The following DNAJB6 variants were observed in gnomAD, a reference collection of about 807,000 sequenced individuals.
DNAJB6 encodes the protein DnaJ heat shock protein family (Hsp40) member B6.
In DNAJB6, 16 loss-of-function variants were observed where a neutral mutation model predicts 42.7. The observed-to-expected ratio is 0.37, with a 90% CI of 0.25 to 0.57. The LOEUF (loss-of-function observed/expected upper bound fraction) is 0.57, where lower values mean the gene tolerates loss of function less well. Among genes scored for constraint, DNAJB6 ranks in the 20% least tolerant of loss-of-function variants. The pLI, the probability that DNAJB6 is intolerant of heterozygous loss-of-function variation, is 0.74. For missense variants in DNAJB6, 347 were observed against 416.8 expected (o/e 0.83, Z 1.46); for synonymous variants, 170 against 163.5 (o/e 1.04, Z -0.30).
At chr7:157,394,241 A>G (rs59052789) in intron 8 of DNAJB6, among the ~76,000 whole-genome samples, 2,167 of 152,368 alleles carry the variant, frequency 0.014, 42 homozygotes, top group African/African-American at 0.05. Flanking sequence ...AAAATAACCC[A>G]TATGACATCT....
At chr7:157,374,532 T>G (rs1027426885) in intron 5 of DNAJB6, among the ~76,000 whole-genome samples, 1 of 152,172 alleles carries the variant, frequency 6.6e-6, no homozygotes. Flanking sequence ...GTGCTGGGAT[T>G]ACAGGCATGA....
In DNAJB6 at chr7:157,363,290, T is replaced by C; in HGVS notation, c.175+20T>C. 2 of 1,548,324 alleles carry C rather than the reference T, an allele frequency of 1.3e-6. No homozygotes were observed. The highest frequency in any genetic ancestry group is 1.8e-6 in the Non-Finnish European group (2 of 1,125,368). ...CGGATGGTGAGTGACAGCGAGCTGC[T>C]GAAGGACCCTGAGCGGGCATGCCGG... is the stretch of plus-strand genomic sequence containing the variant. On this transcript the variant is annotated intron_variant, in intron 3 of 9. Transcript: ENST00000262177.
At chr7:157,364,555 C>T (rs1799757319) in intron 3 of DNAJB6, among the ~76,000 whole-genome samples, 1 of 152,080 alleles carries the variant, frequency 6.6e-6, no homozygotes, top group Admixed American at 6.6e-5. Context: ...CACCATTGCG[C>T]CAGGCTTGTT....
intron 1 of DNAJB6, among the ~76,000 whole-genome samples, chr7:157,358,214 G>C (rs1339866275): frequency 1.3e-5 from 2 of 152,196 alleles, no homozygotes; most frequent in Non-Finnish European, 2.9e-5. Context: ...CACAGACCGT[G>C]TCTAGGAACA....
Position 157,385,547 on chromosome 7 carries a change from C to A in DNAJB6, c.627C>A (p.Val209=). ...ATGAATTTTTTTCCTACAGAATTGT[C>A]GAGAACGGTCAAGAAAGAGTAGAAG... ...NGRKITTKRI[V]ENGQERVEVE... Residue 209 remains valine, a synonymous_variant, in exon 8 of 10, where the codon GTC becomes GTA. Transcript: ENST00000262177. 1.9e-6 allele frequency: 3 copies of A among 1,612,708 alleles called. No individual in the cohort carries two copies. Among genetic ancestry groups the A allele is most frequent in the South Asian group, 1.1e-5 (1 of 90,748 alleles).
chr7:157,374,217 G>A (rs2117037981), intron 5 of DNAJB6, among the ~76,000 whole-genome samples: 1 of 152,222 alleles, frequency 6.6e-6, no homozygotes, highest in South Asian at 2.1e-4. Context: ...ATGGTTGTGT[G>A]CGTATTTGAG....
At chr7:157,346,285 C>CT (rs1284319201) in intron 1 of DNAJB6, among the ~76,000 whole-genome samples, 2 of 136,692 alleles carry the variant, frequency 1.5e-5, no homozygotes, top group African/African-American at 5.3e-5. Flanking sequence ...GGCACACTGC[C>CT]TATGGGGTAG....
intron 6 of DNAJB6, chr7:157,382,891 G>C (rs1800858504): frequency 6.6e-6 from 1 of 152,236 alleles, no homozygotes; most frequent in South Asian, 2.1e-4. Context: ...TTGTAGACTG[G>C]AGTAACATGA....
intron 5 of DNAJB6, among the ~76,000 whole-genome samples, chr7:157,373,859 T>A (rs1800339500): frequency 6.6e-6 from 1 of 152,050 alleles, no homozygotes; most frequent in Non-Finnish European, 1.5e-5. Context: ...TAGAAGAAGT[T>A]AAGGAGTCTT....
intron 9 of DNAJB6, chr7:157,412,123 C>T (rs893755449): frequency 6.6e-6 from 1 of 152,144 alleles, no homozygotes; most frequent in African/African-American, 2.4e-5. Context: ...ATAACGAACA[C>T]GTCAGAGACT....
intron 1 of DNAJB6, among the ~76,000 whole-genome samples, chr7:157,344,524 A>G (rs1798584035): frequency 6.6e-6 from 1 of 152,196 alleles, no homozygotes; most frequent in Non-Finnish European, 1.5e-5. Flanking sequence ...AAAAAAAAAA[A>G]AAGTTAATTT....
intron 3 of DNAJB6, 92 bp downstream of exon 3, chr7:157,363,362 A>G (rs1799699833): frequency 1.4e-6 from 1 of 729,564 alleles, no homozygotes; most frequent in Admixed American, 2.9e-5. Flanking sequence ...CACAGTATGG[A>G]CTCAAGTGAC....
intron 1 of DNAJB6, among the ~76,000 whole-genome samples, chr7:157,350,384 T>C (rs1320143380): frequency 6.6e-6 from 1 of 152,168 alleles, no homozygotes; most frequent in Non-Finnish European, 1.5e-5. Flanking sequence ...GGAAGAGAAA[T>C]TGAACCTGTA....
chr7:157,373,893 C>G (rs1455517527), intron 5 of DNAJB6, among the ~76,000 whole-genome samples: 1 of 152,108 alleles, frequency 6.6e-6, no homozygotes, highest in Non-Finnish European at 1.5e-5. Flanking sequence ...AAAAACATCA[C>G]ATACTAAGCC....
chr7:157,378,715 G>C (rs1315107960), intron 5 of DNAJB6: 3 of 152,046 alleles, frequency 2.0e-5, no homozygotes, highest in African/African-American at 7.2e-5. Flanking sequence ...CTGGGTTGAG[G>C]GTTTTTTATA....
chr7:157,359,222 GT>G (rs1004480610), intron 2 of DNAJB6, among the ~76,000 whole-genome samples: 2 of 152,172 alleles, frequency 1.3e-5, no homozygotes, highest in African/African-American at 4.8e-5. Flanking sequence ...GAAACAGATT[GT>G]TAGATTTTAA....
intron 1 of DNAJB6, among the ~76,000 whole-genome samples, chr7:157,340,997 T>TGCGC (rs1554450151): frequency 0.041 from 4,880 of 118,284 alleles, 178 homozygotes; most frequent in African/African-American, 0.088. Context: ...TGTGTGTGTG[T>TGCGC]GCGCGCGCGC....
chr7:157,343,610 G>T (rs1366248410), intron 1 of DNAJB6, among the ~76,000 whole-genome samples: 1 of 152,078 alleles, frequency 6.6e-6, no homozygotes, highest in African/African-American at 2.4e-5. Context: ...CACCACGTCT[G>T]ACTGGGTTTT....
At chr7:157,405,099 G>C (rs1053019475) in intron 8 of DNAJB6, among the ~76,000 whole-genome samples, 1 of 152,234 alleles carries the variant, frequency 6.6e-6, no homozygotes, top group Non-Finnish European at 1.5e-5. Context: ...GCCGGCCTTG[G>C]TGAACACGTG....
Sources: gnomAD v4.1 joint callset for allele counts (sites outside exome capture counted in the v4.1 genomes callset) on GRCh38, gnomAD v4.1.1 for gene constraint, MANE v1.5 for transcripts, NCBI Gene and HGNC (gene_info 2026-07-23, HGNC 2026-07-21) for gene names.